Variants in LRRD1 observed in about 807,000 individuals in gnomAD.
The protein encoded by LRRD1 is leucine rich repeats and death domain containing 1.
LRRD1 carries 49 observed loss-of-function variants against 69.5 expected under a neutral mutation model. The ratio of observed to expected loss-of-function variants is 0.70; its 90% confidence interval spans 0.56 to 0.89. LRRD1 has a LOEUF of 0.89. LRRD1 is among the 40% of genes least tolerant of loss of function. The pLI, the probability that LRRD1 is intolerant of heterozygous loss-of-function variation, is 0.00. For missense variants in LRRD1, 853 were observed against 956.0 expected (o/e 0.89, Z 1.42); for synonymous variants, 303 against 338.9 (o/e 0.89, Z 1.16).
chr7:92,156,431 A>C (rs992588552), intron 3 of LRRD1, among the ~76,000 whole-genome samples: 1 of 152,234 alleles, frequency 6.6e-6, no homozygotes, highest in Non-Finnish European at 1.5e-5. Flanking sequence ...ATTGTCTTCC[A>C]ATTTATAAAC....
chr7:92,142,068 G>A (rs1254266715), downstream of LRRD1: 1 of 172,392 alleles, frequency 5.8e-6, no homozygotes, highest in Non-Finnish European at 1.2e-5. Context: ...TCAGCCTCCC[G>A]AGTAGCTGGA....
chr7:92,142,973 C>A (rs1584646205), downstream of LRRD1: 1 of 255,588 alleles, frequency 3.9e-6, no homozygotes, highest in East Asian at 1.1e-4. Context: ...GCTCAGGCAG[C>A]CTGCTTTTAT....
chr7:92,159,017 G>T lies in LRRD1; in HGVS notation c.2104C>A (p.Leu702Ile). 6.5e-7 allele frequency: 1 copy of T among 1,544,492 alleles called. No homozygotes were observed. Among genetic ancestry groups the T allele is most frequent in the Non-Finnish European group, 8.7e-7 (1 of 1,144,876 alleles). The change falls in exon 3 of 6, where the codon CTA becomes ATA. Residue 702 changes from leucine (L) to isoleucine (I), a missense_variant. By Grantham distance (5) the Leu-to-Ile change is conservative (BLOSUM62 2). Transcript: ENST00000458448. ...SLLSLNDLQQ[L>I]NLSGNNLTAL... is the part of the protein sequence containing the mutation. ...GCTTGACACTCACCACTCAGGTTTA[G>T]TTGCTGCAGATCATTTAAAGATAGC...
chr7:92,143,195 A>T (rs1820212335), downstream of LRRD1, among the ~76,000 whole-genome samples: 1 of 152,074 alleles, frequency 6.6e-6, no homozygotes, highest in South Asian at 2.1e-4. Flanking sequence ...TGGTGTGTTT[A>T]CAAACCTTGA....
Position 92,163,570 on chromosome 7 carries a change from T to C in LRRD1, c.1633A>G (p.Ile545Val). The change falls in exon 2 of 6, where the codon ATA (isoleucine) becomes GTA (valine). Residue 545 changes from isoleucine to valine, a missense_variant. By Grantham distance (29) the Ile-to-Val change is conservative. This residue lies in a region of LRRD1 where 739 missense variants were observed against 808.0 expected (regional missense o/e 0.91). Transcript: ENST00000458448. ...GAAATTGATGCTGGAATTTTCTTTA[T>C]TTGGTTTTTACCAAGATCCAGGTAT... ...LKYLDLGKNQ[I>V]KKIPASISNM... 3 of 1,531,408 alleles carry C rather than the reference T, an allele frequency of 2.0e-6. No homozygotes were observed. The East Asian group carries it at 7.4e-5, about 38-fold the overall frequency. 94.9% of individuals were successfully genotyped at this position (1,531,408 alleles called of 1,614,324 possible).
chr7:92,146,133 T>A lies in LRRD1; in HGVS notation c.2346A>T (p.Leu782Phe), dbSNP rs916319341. Residue 782 changes from leucine to phenylalanine, a missense_variant, in exon 5 of 6, where the codon TTA becomes TTT. Around this residue, in one of 3 missense-constraint regions of LRRD1, gnomAD observed 739 missense variants for 808.0 expected, o/e 0.91. Transcript: ENST00000458448. Reference protein sequence around the residue: ...NNITETNFEFLCQKLNLANSE... With the variant: ...NNITETNFEFFCQKLNLANSE... ...AGTTTGCCAGGTTTAGTTTTTGACA[T>A]AAAAATTCAAAATTGGTTTCAGTGA... The A allele has an allele frequency of 1.3e-6, 2 of 1,543,180 alleles. No homozygotes were observed. Among genetic ancestry groups the A allele is most frequent in the African/African-American group, 2.8e-5 (2 of 72,690 alleles).
chr7:92,170,077 AAAG>A (rs1363162354), intron 1 of LRRD1, among the ~76,000 whole-genome samples: 1 of 151,286 alleles, frequency 6.6e-6, no homozygotes, highest in Non-Finnish European at 1.5e-5. Context: ...TTGAAAAAAA[AAAG>A]AGAGAGAGAA....
At chr7:92,150,921 T>A (rs758142022) in intron 3 of LRRD1, among the ~76,000 whole-genome samples, 1 of 152,168 alleles carries the variant, frequency 6.6e-6, no homozygotes, top group Non-Finnish European at 1.5e-5. Flanking sequence ...ACAGAGACTA[T>A]CCTCTTTTAA....
downstream of LRRD1, among the ~76,000 whole-genome samples, chr7:92,143,595 G>A (rs1266272533): frequency 2.0e-5 from 3 of 152,134 alleles, no homozygotes; most frequent in Admixed American, 6.5e-5. Context: ...TGTCCAGGCC[G>A]GCTGGGCTGG....
At chr7:92,159,631 T>C (rs1788755496) in intron 2 of LRRD1, among the ~76,000 whole-genome samples, 1 of 149,074 alleles carries the variant, frequency 6.7e-6, no homozygotes, top group South Asian at 2.2e-4. Context: ...TTTTTTTTTT[T>C]TTTTTTTGAG....
chr7:92,152,059 A>T (rs1237423263), intron 3 of LRRD1, among the ~76,000 whole-genome samples: 2 of 149,798 alleles, frequency 1.3e-5, no homozygotes, highest in Non-Finnish European at 3.0e-5. Context: ...TATATTATTT[A>T]TAAATATAGT....
At chr7:92,163,259 A>T in intron 2 of LRRD1, 27 bp downstream of exon 2, 2 of 1,355,094 alleles carry the variant, frequency 1.5e-6, no homozygotes, top group South Asian at 2.0e-5. Flanking sequence ...CTCCTTCCCC[A>T]CAAAGCCCAC....
downstream of LRRD1, chr7:92,142,788 T>G (rs1390927535): frequency 2.2e-6 from 1 of 445,364 alleles, no homozygotes; most frequent in South Asian, 1.6e-5. Flanking sequence ...TTTCTCCCGG[T>G]GGGTTCCTGG....
At chr7:92,147,260 G>T (rs1328650028) in intron 4 of LRRD1, among the ~76,000 whole-genome samples, 1 of 151,978 alleles carries the variant, frequency 6.6e-6, no homozygotes, top group South Asian at 2.1e-4. Context: ...TCGAGATGGG[G>T]TTTCTCCATG....
chr7:92,164,472 T>A lies in LRRD1; in HGVS notation c.731A>T (p.Asn244Ile). 1 of 1,550,114 alleles carries A rather than the reference T, an allele frequency of 6.5e-7. No individual in the cohort carries two copies. Among genetic ancestry groups the A allele is most frequent in the Non-Finnish European group, 8.7e-7 (1 of 1,146,268 alleles). ...GNIRQLFFYN[N>I]YIENFPSDLE... is the part of the protein sequence containing the mutation. The stretch of plus-strand genomic sequence containing the variant: ...GTCAGAAGGAAAATTTTCAATGTAA[T>A]TGTTATAAAAAAAGAGTTGTCTGAT... The change falls in exon 2 of 6, where the codon AAT (asparagine) becomes ATT (isoleucine). Residue 244 changes from asparagine to isoleucine, a missense_variant. Coordinates refer to ENST00000458448, the MANE Select transcript of LRRD1 (RefSeq NM_001161528.2).
In LRRD1 at chr7:92,165,162, G is replaced by A; in HGVS notation, c.41C>T (p.Thr14Ile). 1 of 1,546,866 alleles carries A rather than the reference G, an allele frequency of 6.5e-7. No individual in the cohort carries two copies. Among genetic ancestry groups the A allele is most frequent in the Non-Finnish European group, 8.7e-7 (1 of 1,144,922 alleles). The change falls in exon 2 of 6, where the codon ACT becomes ATT. Residue 14 changes from threonine to isoleucine, a missense_variant. Around this residue, in one of 3 missense-constraint regions of LRRD1, gnomAD observed 99 missense variants for 107.0 expected, o/e 0.92. Coordinates refer to ENST00000458448, the MANE Select transcript of LRRD1 (RefSeq NM_001161528.2). ...KEGMSEVLED[T>I]ISQFRKESRS... is the part of the protein sequence containing the mutation. ...AGATTCTTTCCTAAATTGACTAATAGTATCCTCTAGCACTTCTGACATACC... is the reference window on the plus strand; with the variant it reads ...AGATTCTTTCCTAAATTGACTAATAATATCCTCTAGCACTTCTGACATACC...
Position 92,165,198 on chromosome 7 carries a change from G to T in LRRD1, c.5C>A (p.Ser2Tyr). The change falls in exon 2 of 6, where the codon TCT becomes TAT. Residue 2 changes from serine (S) to tyrosine (Y), a missense_variant. By Grantham distance (144) the Ser-to-Tyr change is moderately radical. Around this residue, in one of 3 missense-constraint regions of LRRD1, gnomAD observed 99 missense variants for 107.0 expected, o/e 0.92. Transcript: ENST00000458448. M[S>Y]EKEGMSEVLE... ...CACTTCTGACATACCCTCCTTTTCA[G>T]ACATCTTATTTGCTGATATGTTTTA... 6.9e-7 allele frequency: 1 copy of T among 1,452,318 alleles called. No homozygotes were observed. The highest frequency in any genetic ancestry group is 9.1e-7 in the Non-Finnish European group (1 of 1,093,928). The allele number at this position is 1,452,318 out of a possible 1,614,324, so 90.0% of individuals were successfully genotyped here. A position where few individuals can be genotyped will look rare whatever the true frequency, so the allele number is the denominator to read the frequency against.
intron 1 of LRRD1, among the ~76,000 whole-genome samples, chr7:92,169,244 C>A (rs1788994303): frequency 6.6e-6 from 1 of 151,708 alleles, no homozygotes; most frequent in Admixed American, 6.6e-5. Flanking sequence ...GCAGTGATCT[C>A]AAAATAACAC....
At chr7:92,158,971 TTGATTATGCTTAC>T (rs756949184) in intron 3 of LRRD1, 21 bp downstream of exon 3, 30 of 1,493,666 alleles carry the variant, frequency 2.0e-5, no homozygotes, top group Non-Finnish European at 2.5e-5. Flanking sequence ...ACTCTACTTA[TTGATTATGCTTAC>T]TGATTATGCT....
Sources: allele counts gnomAD v4.1 joint callset (sites outside exome capture counted in the v4.1 genomes callset), GRCh38; gene constraint gnomAD v4.1.1; regional missense constraint gnomAD v4.1.1; transcripts MANE v1.5; gene names NCBI Gene and HGNC (gene_info 2026-07-23, HGNC 2026-07-21).